NFATC1: variants seen among roughly 807,000 people sequenced by gnomAD.
The protein encoded by NFATC1 is nuclear factor of activated T-cells, cytoplasmic 1.
NFATC1 carries 22 observed loss-of-function variants against 76.0 expected under a neutral mutation model. The ratio of observed to expected loss-of-function variants is 0.29; its 90% CI spans 0.21 to 0.41. The LOEUF (loss-of-function observed/expected upper bound fraction) is 0.41, where lower values mean the gene tolerates loss of function less well. Among genes scored for constraint, NFATC1 ranks in the 10% least tolerant of loss-of-function variants. The pLI is 1.00. For synonymous variants in NFATC1, 704 were observed against 613.1 expected, an observed-to-expected ratio of 1.15 and a Z score of -2.19; for missense variants, 1,357 against 1,337.7, an observed-to-expected ratio of 1.01 and a Z score of -0.23.
intron 9 of NFATC1, among the ~76,000 whole-genome samples, chr18:79,500,498 A>T (rs1338299983): frequency 6.6e-6 from 1 of 152,154 alleles, no homozygotes; most frequent in Non-Finnish European, 1.5e-5. Flanking sequence ...AAAGGAGAGA[A>T]AAAACCCAAG....
chr18:79,512,750 A>G (rs1236916429), intron 9 of NFATC1, among the ~76,000 whole-genome samples: 1 of 152,190 alleles, frequency 6.6e-6, no homozygotes, highest in Non-Finnish European at 1.5e-5. Context: ...TGGAGCCTGC[A>G]CACGTGAGCC....
At chr18:79,504,495 C>T (rs2090081640) in intron 9 of NFATC1, among the ~76,000 whole-genome samples, 1 of 152,174 alleles carries the variant, frequency 6.6e-6, no homozygotes, top group South Asian at 2.1e-4. Context: ...GTTCGTGGCA[C>T]CCCAAAACAA....
At chr18:79,451,259 G>A (rs1362962298) in intron 5 of NFATC1, 133 bp downstream of exon 5, 1 of 1,143,634 alleles carries the variant, frequency 8.7e-7, no homozygotes, top group African/African-American at 1.5e-5. Flanking sequence ...ACCACAGTGT[G>A]TGGCCACGAG....
chr18:79,433,255 T>C (rs2086660754), intron 2 of NFATC1, among the ~76,000 whole-genome samples: 1 of 152,244 alleles, frequency 6.6e-6, no homozygotes, highest in South Asian at 2.1e-4. Flanking sequence ...CCCATCCCTC[T>C]TAGATTTTAA....
At chr18:79,425,835 G>A (rs1401555884) in intron 2 of NFATC1, among the ~76,000 whole-genome samples, 1 of 152,240 alleles carries the variant, frequency 6.6e-6, no homozygotes, top group African/African-American at 2.4e-5. Context: ...CCTGAGAGCA[G>A]AGCAAAGTTT....
chr18:79,413,310 G>A (rs888516161), intron 2 of NFATC1, among the ~76,000 whole-genome samples: 14 of 152,212 alleles, frequency 9.2e-5, no homozygotes, highest in African/African-American at 3.4e-4. Context: ...ACAAGGTCCC[G>A]CAGACGGGTG....
At chr18:79,442,357 G>T (rs943102898) in intron 3 of NFATC1, among the ~76,000 whole-genome samples, 1 of 152,230 alleles carries the variant, frequency 6.6e-6, no homozygotes, top group Non-Finnish European at 1.5e-5. Context: ...TGCTGCCTTC[G>T]TGCAGGTGAC....
rs200726109 is a variant in NFATC1, at chr18:79,448,994, G to A, written c.1589+10G>A. 145 of 1,612,352 alleles carry A rather than the reference G, an allele frequency of 9.0e-5. 1 individual carries two copies. In the Admixed American group the frequency reaches 1.2e-3, roughly 14 times the overall value. ...ACAGCATGCGAGCCGTGTAAGCCGC[G>A]GGGGACCTCCGGCCTCTGGCAGGGG... On this transcript the variant is annotated intron_variant, in intron 4 of 9. Coordinates refer to ENST00000427363, the MANE Select transcript of NFATC1 (RefSeq NM_001278669.2).
At chr18:79,402,172 ATCC>A (rs1279857580) in intron 1 of NFATC1, among the ~76,000 whole-genome samples, 5 of 152,228 alleles carry the variant, frequency 3.3e-5, no homozygotes, top group African/African-American at 7.2e-5. Flanking sequence ...CGGCGGCGGC[ATCC>A]TCCTGTGACT....
rs1199101041 is a variant in NFATC1 at position 79,474,492 on chromosome 18, A to G, written c.2092+6910A>G. Among the ~76,000 whole-genome samples the G allele has an allele frequency of 6.4e-4, 79 of 123,216 alleles. No individual in the cohort carries two copies. In the Middle Eastern group the frequency reaches 0.025, roughly 38 times the overall value. 80.8% of individuals were successfully genotyped at this position (123,216 alleles called of 152,430 possible). A position where few individuals can be genotyped will look rare whatever the true frequency, so the allele number is the denominator to read the frequency against. ...AAACCTGAGGGAAGCGTGTTCTCAC[A>G]CTCACTGTCGACGTTGCAAGGGAAG... On this transcript the variant is annotated intron_variant, in intron 8 of 9. Transcript: ENST00000427363.
In NFATC1 at chr18:79,410,291, C is replaced by G; in HGVS notation, c.128-112C>G. The G allele has an allele frequency of 6.7e-7, 1 of 1,503,268 alleles. No homozygotes were observed. The highest frequency in any genetic ancestry group is 8.9e-7 in the Non-Finnish European group (1 of 1,126,790). 93.1% of individuals were successfully genotyped at this position (1,503,268 alleles called of 1,614,324 possible). A position where few individuals can be genotyped will look rare whatever the true frequency, so the allele number is the denominator to read the frequency against. ...TCAGGGACGTTTGCTGAGGCCCGCTCCTTGGGGTCCGTTGGTCGAGGCCGG... is the reference window on the plus strand; with the variant it reads ...TCAGGGACGTTTGCTGAGGCCCGCTGCTTGGGGTCCGTTGGTCGAGGCCGG... On this transcript the variant is annotated intron_variant, in intron 1 of 9. Coordinates refer to ENST00000427363, the MANE Select transcript of NFATC1 (RefSeq NM_001278669.2). The surrounding 1 kb of genome is among the most constrained non-coding windows in gnomAD (Gnocchi z 6.7).
At chr18:79,434,989 T>G (rs987521240) in intron 3 of NFATC1, among the ~76,000 whole-genome samples, 1 of 152,176 alleles carries the variant, frequency 6.6e-6, no homozygotes, top group Non-Finnish European at 1.5e-5. Flanking sequence ...GTCTCCACCC[T>G]CCCAGGTGGG....
intron 3 of NFATC1, among the ~76,000 whole-genome samples, chr18:79,435,338 T>A (rs1286441980): frequency 1.9e-3 from 6 of 3,130 alleles, no homozygotes; most frequent in Non-Finnish European, 4.5e-3. Context: ...TTTGTTTTGT[T>A]TTTTGGTTTG....
At chr18:79,454,742 C>T (rs916422951) in intron 6 of NFATC1, among the ~76,000 whole-genome samples, 11 of 152,074 alleles carry the variant, frequency 7.2e-5, no homozygotes, top group African/African-American at 2.7e-4. Context: ...TTCCAGGAGG[C>T]AGGTTGGCTG....
intron 9 of NFATC1, among the ~76,000 whole-genome samples, chr18:79,522,917 G>C (rs890177584): frequency 6.6e-6 from 1 of 152,204 alleles, no homozygotes; most frequent in Non-Finnish European, 1.5e-5. Context: ...GCCCCAGGCC[G>C]CCATCTGGGA....
chr18:79,484,472 G>A (rs2089437248), intron 8 of NFATC1, among the ~76,000 whole-genome samples: 1 of 152,084 alleles, frequency 6.6e-6, no homozygotes, highest in African/African-American at 2.4e-5. Flanking sequence ...GTGTAGGGCG[G>A]ACGCTTTAAA....
At position 79,411,452 on chromosome 18, in the gene NFATC1, C is replaced by G; in HGVS notation, c.1177C>G (p.Pro393Ala). ...CCAGTACCTGGCGGTGCCGCAGCAC[C>G]CCTACCAGTGGGCGAAGCCCAAGCC... Reference protein sequence around the residue: ...CDQYLAVPQHPYQWAKPKPLS... With the variant: ...CDQYLAVPQHAYQWAKPKPLS... Residue 393 changes from proline to alanine, a missense_variant, in exon 2 of 10, where the codon CCC becomes GCC. Coordinates refer to ENST00000427363, the MANE Select transcript of NFATC1 (RefSeq NM_001278669.2). 1 of 1,516,286 alleles carries G rather than the reference C, an allele frequency of 6.6e-7. No individual in the cohort carries two copies. Among genetic ancestry groups the G allele is most frequent in the Non-Finnish European group, 8.8e-7 (1 of 1,135,998 alleles). The allele number at this position is 1,516,286 out of a possible 1,614,324, so 93.9% of individuals were successfully genotyped here.
At chr18:79,442,266 C>T (rs1294518317) in intron 3 of NFATC1, among the ~76,000 whole-genome samples, 1 of 152,222 alleles carries the variant, frequency 6.6e-6, no homozygotes, top group African/African-American at 2.4e-5. Flanking sequence ...GTGTGAGGGG[C>T]CCACAGGTGT....
Position 79,486,520 on chromosome 18 carries a change from G to A in NFATC1, c.2365G>A (p.Gly789Arg), listed in dbSNP as rs773186253. 34 of 1,601,684 alleles carry A rather than the reference G, an allele frequency of 2.1e-5. No homozygotes were observed. The highest frequency in any genetic ancestry group is 6.7e-5 in the East Asian group (3 of 44,786). ...GVASPGHCHL[G>R]LPQPAGEAPA... ...TGCCAGCCCGGGCCACTGTCACCTCGGACTCCCGCAGCCGGCCGGAGAGGC... is the reference window on the plus strand; with the variant it reads ...TGCCAGCCCGGGCCACTGTCACCTCAGACTCCCGCAGCCGGCCGGAGAGGC... The change falls in exon 9 of 10, where the codon GGA becomes AGA. Residue 789 changes from glycine (G) to arginine (R), a missense_variant. This residue lies in a region of NFATC1 where 424 missense variants were observed against 395.4 expected (regional missense o/e 1.07). Coordinates refer to ENST00000427363, the MANE Select transcript of NFATC1 (RefSeq NM_001278669.2).
Sources: allele counts gnomAD v4.1 joint callset (sites outside exome capture counted in the v4.1 genomes callset), GRCh38; gene constraint gnomAD v4.1.1; regional missense constraint gnomAD v4.1.1; non-coding constraint Gnocchi (gnomAD v3.1); transcripts MANE v1.5; gene names NCBI Gene and HGNC (gene_info 2026-07-23, HGNC 2026-07-21).